The following FMN2 variants were observed in gnomAD, a reference collection of about 807,000 sequenced individuals.
The protein encoded by FMN2 is formin 2, also known as formin-2.
FMN2 carries 51 observed loss-of-function variants against 142.3 expected under a neutral mutation model. That is an observed-to-expected ratio of 0.36 (90% confidence interval 0.29 to 0.45). FMN2 has a LOEUF of 0.45. Among genes scored for constraint, FMN2 ranks in the 20% least tolerant of loss-of-function variants. The probability of loss-of-function intolerance (pLI) is 1.00; values close to 1 mark genes in which losing one functional copy is unlikely to be tolerated. For synonymous variants in FMN2, 882 were observed against 869.8 expected (o/e 1.01, Z -0.25); for missense variants, 1,936 against 2,122.8 (o/e 0.91, Z 1.73).
intron 6 of FMN2, among the ~76,000 whole-genome samples, chr1:240,219,194 C>G (rs1667014741): frequency 6.6e-6 from 1 of 152,140 alleles, no homozygotes; most frequent in African/African-American, 2.4e-5. Flanking sequence ...TCCTTCTCAT[C>G]CTTCTACCCA....
chr1:240,151,733 CTG>C (rs1370868153), intron 2 of FMN2, among the ~76,000 whole-genome samples: 1 of 151,884 alleles, frequency 6.6e-6, no homozygotes, highest in African/African-American at 2.4e-5. Context: ...GCAGAACTCT[CTG>C]TGTGGCAAAG....
chr1:240,367,754 C>T (rs1260292188), intron 14 of FMN2, among the ~76,000 whole-genome samples: 12 of 118,040 alleles, frequency 1.0e-4, no homozygotes, highest in African/African-American at 4.0e-4. Context: ...GGTGACAGAG[C>T]GAGACTCAGT....
intron 4 of FMN2, among the ~76,000 whole-genome samples, chr1:240,201,223 C>G (rs1299865280): frequency 6.6e-6 from 1 of 152,158 alleles, no homozygotes; most frequent in African/African-American, 2.4e-5. Context: ...CTCCTTTTAA[C>G]ACAGACCATC....
At position 240,093,147 on chromosome 1, in the gene FMN2, T is replaced by A. The variant is rs1661061736; in HGVS notation, c.1038T>A (p.Asp346Glu). The A allele has an allele frequency of 1.4e-6, 2 of 1,423,876 alleles. No homozygotes were observed. Among genetic ancestry groups the A allele is most frequent in the Non-Finnish European group, 1.8e-6 (2 of 1,096,082 alleles). The allele number at this position is 1,423,876 out of a possible 1,614,324, so 88.2% of individuals were successfully genotyped here. The change falls in exon 1 of 18, where the codon GAT becomes GAA. Residue 346 changes from aspartate to glutamate, a missense_variant. Physicochemically the swap from Asp to Glu is conservative, Grantham distance 45 (BLOSUM62 2). Transcript: ENST00000319653. The stretch of plus-strand genomic sequence containing the variant: ...CCGTGCGAGGGGCTGGGGACACGGA[T>A]GAGGAGGGTGAGGAGGATGCTTTTG... ...GAPVRGAGDT[D>E]EEGEEDAFED...
chr1:240,154,733 T>C (rs1164299758), intron 2 of FMN2: 1 of 152,124 alleles, frequency 6.6e-6, no homozygotes, highest in African/African-American at 2.4e-5. Context: ...GAACAATCAA[T>C]TGAAATCAAT....
rs561362045 is a variant in FMN2 at position 240,371,024 on chromosome 1, C to T, written c.4858+15116C>T. ...CGGGATCTCAACTCACTGCAACCTC[C>T]GCCTCCTGGGTTCAGGCAATTCTCC... On this transcript the variant is annotated intron_variant, in intron 14 of 17. Transcript: ENST00000319653. Among the ~76,000 whole-genome samples the T allele has an allele frequency of 1.8e-3, 269 of 152,250 alleles. 3 individuals carry two copies. Among genetic ancestry groups the T allele is most frequent in the Admixed American group, 9.2e-3 (141 of 15,298 alleles).
At chr1:240,269,056 C>T (rs1451786788) in intron 7 of FMN2, among the ~76,000 whole-genome samples, 1 of 151,888 alleles carries the variant, frequency 6.6e-6, no homozygotes, top group African/African-American at 2.4e-5. Context: ...TGATTTGATG[C>T]CATCCCATTT....
At chr1:240,241,225 G>T (rs7516886) in intron 6 of FMN2, among the ~76,000 whole-genome samples, 104,506 of 148,980 alleles carry the variant, frequency 0.7, 37,494 homozygotes, top group East Asian at 0.85. Context: ...TTTCAACTCT[G>T]GATTTTTTTT....
At chr1:240,141,228 G>A (rs886826773) in intron 2 of FMN2, among the ~76,000 whole-genome samples, 15 of 152,168 alleles carry the variant, frequency 9.9e-5, no homozygotes, top group African/African-American at 3.6e-4. Context: ...AGATGTCAGG[G>A]ATACTTTTAA....
Position 240,208,493 on chromosome 1 carries a change from A to G in FMN2, c.3681A>G (p.Pro1227=), listed in dbSNP as rs1666540107. 6.3e-7 allele frequency: 1 copy of G among 1,598,430 alleles called. No individual in the cohort carries two copies. Among genetic ancestry groups the G allele is most frequent in the East Asian group, 2.3e-5 (1 of 44,230 alleles). Reference sequence around the variant, plus strand: ...CTGCTCCAGCTCCCCCACTCCCTCCACCTGGGACAGGAATCCCACCGCCCC... The same window carrying G: ...CTGCTCCAGCTCCCCCACTCCCTCCGCCTGGGACAGGAATCCCACCGCCCC... ...IPPAPAPPLP[P]PGTGIPPPPL... is the part of the protein sequence containing the mutation. The change falls in exon 5 of 18, where the codon CCA becomes CCG. Residue 1227 remains proline (P), a synonymous_variant. Coordinates refer to ENST00000319653, the MANE Select transcript of FMN2 (RefSeq NM_020066.5).
intron 8 of FMN2, among the ~76,000 whole-genome samples, chr1:240,305,007 T>G (rs1670332267): frequency 6.6e-6 from 1 of 152,228 alleles, no homozygotes; most frequent in Admixed American, 6.5e-5. Flanking sequence ...TCCCTGGCAC[T>G]TTCTACTCTG....
At chr1:240,420,000 CT>C (rs1455579260) in intron 15 of FMN2, among the ~76,000 whole-genome samples, 2 of 152,086 alleles carry the variant, frequency 1.3e-5, no homozygotes, top group Non-Finnish European at 1.5e-5. Context: ...TGCCCCTTGG[CT>C]TTTTGGTTAT....
intron 1 of FMN2, among the ~76,000 whole-genome samples, chr1:240,112,392 A>C (rs1661846587): frequency 6.6e-6 from 1 of 152,004 alleles, no homozygotes; most frequent in African/African-American, 2.4e-5. Flanking sequence ...GGCCTCCCAA[A>C]GTGCTGGGAT....
chr1:240,469,824 T>C (rs1676750531), intron 16 of FMN2, among the ~76,000 whole-genome samples: 1 of 152,138 alleles, frequency 6.6e-6, no homozygotes, highest in Non-Finnish European at 1.5e-5. Flanking sequence ...CTACTAGACA[T>C]TGAATTTCAT....
At chr1:240,417,627 C>T (rs1674619843) in intron 15 of FMN2, among the ~76,000 whole-genome samples, 1 of 150,654 alleles carries the variant, frequency 6.6e-6, no homozygotes, top group Admixed American at 6.6e-5. Flanking sequence ...TTTTCTTTTA[C>T]GTGAGTCCTT....
chr1:240,391,699 CAGAG>C (rs1419672600), intron 14 of FMN2, among the ~76,000 whole-genome samples: 1 of 151,916 alleles, frequency 6.6e-6, no homozygotes, highest in Non-Finnish European at 1.5e-5. Flanking sequence ...CTAAAAATAT[CAGAG>C]AGCATTGCAT....
intron 4 of FMN2, among the ~76,000 whole-genome samples, chr1:240,203,130 TG>T (rs1558357201): frequency 6.6e-6 from 1 of 152,230 alleles, no homozygotes. Flanking sequence ...ATTTGGGTGC[TG>T]GTTTTTTGGC....
intron 15 of FMN2, among the ~76,000 whole-genome samples, chr1:240,411,628 TTG>T (rs200667364): frequency 0.023 from 2,609 of 114,282 alleles, 87 homozygotes; most frequent in African/African-American, 0.097. Flanking sequence ...GTTTGATCTG[TTG>T]TTTTTTTTTT....
intron 3 of FMN2, 160 bp downstream of exon 3, chr1:240,178,228 T>C (rs1558340061): frequency 9.0e-6 from 7 of 781,146 alleles, no homozygotes; most frequent in South Asian, 7.1e-5. Context: ...TCTCTCTTTG[T>C]TCCTTTTGTT....
Sources: allele counts gnomAD v4.1 joint callset (sites outside exome capture counted in the v4.1 genomes callset), GRCh38; gene constraint gnomAD v4.1.1; transcripts MANE v1.5; gene names NCBI Gene and HGNC (gene_info 2026-07-23, HGNC 2026-07-21).